Variants in TXNRD3 observed in about 807,000 individuals in gnomAD.
TXNRD3 encodes the protein thioredoxin reductase 3.
In TXNRD3, 68 loss-of-function variants were observed where a neutral mutation model predicts 78.2. That is an observed-to-expected ratio of 0.87 (90% CI 0.72 to 1.06). TXNRD3 has a LOEUF of 1.06. Among genes scored for constraint, TXNRD3 ranks in the 50% least tolerant of loss-of-function variants. The pLI, the probability that TXNRD3 is intolerant of heterozygous loss-of-function variation, is 0.00. For missense variants in TXNRD3, 751 were observed against 809.5 expected (o/e 0.93, Z 0.88); for synonymous variants, 296 against 300.1 (o/e 0.99, Z 0.14).
In TXNRD3 at chr3:126,614,001, A is replaced by T. The variant is rs1315820702; in HGVS notation, c.1632+1354T>A. Among the ~76,000 whole-genome samples, 4 of 152,326 alleles carry T rather than the reference A, an allele frequency of 2.6e-5. No homozygotes were observed. The East Asian group carries it at 7.7e-4, about 29-fold the overall frequency. ...TGTGTGTTACTACCCCTGGGACAGG[A>T]TGTGGTGGGAGAAGATGGTGATATT... On this transcript the variant is annotated intron_variant, in intron 13 of 15. Coordinates refer to ENST00000524230, the MANE Select transcript of TXNRD3 (RefSeq NM_052883.3).
At chr3:126,650,545 G>A (rs1297518985) in intron 1 of TXNRD3, among the ~76,000 whole-genome samples, 4 of 151,978 alleles carry the variant, frequency 2.6e-5, no homozygotes, top group African/African-American at 7.2e-5. Context: ...GAAGGCTTAC[G>A]TGGGAGGATC....
chr3:126,646,101 GTAT>G lies in TXNRD3; in HGVS notation c.414+7_414+9del, dbSNP rs1335260482. On this transcript the variant is annotated splice_region_variant and intron_variant, in intron 3 of 15. Transcript: ENST00000524230. ...AAACAGCATTGAAGAACATATAATA[GTAT>G]TATTACCTGGAAAGTTTGGTCACAT... 18 of 1,506,628 alleles carry G rather than the reference GTAT, an allele frequency of 1.2e-5. No homozygotes were observed. Among genetic ancestry groups the G allele is most frequent in the Non-Finnish European group, 1.6e-5 (18 of 1,131,276 alleles). The allele number at this position is 1,506,628 out of a possible 1,614,324, so 93.3% of individuals were successfully genotyped here. A position where few individuals can be genotyped will look rare whatever the true frequency, so the allele number is the denominator to read the frequency against.
intron 10 of TXNRD3, among the ~76,000 whole-genome samples, chr3:126,628,397 T>C (rs554818613): frequency 6.6e-6 from 1 of 152,236 alleles, no homozygotes; most frequent in Admixed American, 6.5e-5. Flanking sequence ...AAACTGTTAT[T>C]ATTCACAAAT....
intron 1 of TXNRD3, among the ~76,000 whole-genome samples, chr3:126,654,118 T>C (rs1933453267): frequency 6.6e-6 from 1 of 152,172 alleles, no homozygotes; most frequent in Non-Finnish European, 1.5e-5. Flanking sequence ...GTCACTTTAT[T>C]ATTCTTAAAA....
chr3:126,614,506 G>A (rs966290273), intron 13 of TXNRD3, among the ~76,000 whole-genome samples: 5 of 151,880 alleles, frequency 3.3e-5, no homozygotes, highest in Non-Finnish European at 4.4e-5. Context: ...ACCAACCAAT[G>A]CAAAAAGGAT....
Position 126,621,871 on chromosome 3 carries a change from C to A in TXNRD3, c.1395G>T (p.Val465=). 3.3e-6 allele frequency: 5 copies of A among 1,516,316 alleles called. No homozygotes were observed. Among genetic ancestry groups the A allele is most frequent in the Non-Finnish European group, 3.5e-6 (4 of 1,141,296 alleles). 93.9% of individuals were successfully genotyped at this position (1,516,316 alleles called of 1,614,324 possible). ...AGACATATGGCACATTGGTCTGTTC[C>A]ACATCATTTACAGGTATTTTTCCAC... The change falls in exon 12 of 16, where the codon GTG becomes GTT. Residue 465 remains valine, a synonymous_variant. Coordinates refer to ENST00000524230, the MANE Select transcript of TXNRD3 (RefSeq NM_052883.3).
At chr3:126,622,659 G>T in intron 10 of TXNRD3, 119 bp from the exon 11 acceptor site, 1 of 712,500 alleles carries the variant, frequency 1.4e-6, no homozygotes, top group Non-Finnish European at 2.2e-6. Flanking sequence ...AACAATCTAT[G>T]CCAATAAAGC....
intron 5 of TXNRD3, 101 bp downstream of exon 5, chr3:126,643,880 G>A (rs1016125822): frequency 2.8e-5 from 31 of 1,122,796 alleles, no homozygotes; most frequent in Admixed American, 1.5e-4. Flanking sequence ...AGAAACAGGC[G>A]AGTTATACCT....
intron 7 of TXNRD3, among the ~76,000 whole-genome samples, chr3:126,633,606 T>C (rs1267739753): frequency 6.6e-6 from 1 of 152,222 alleles, no homozygotes; most frequent in African/African-American, 2.4e-5. Flanking sequence ...AAAATTTTGA[T>C]CTTTTTAGTC....
rs1207104439 is a variant in TXNRD3 at position 126,643,999 on chromosome 3, G to T, written c.574C>A (p.Pro192Thr). 1 of 1,535,936 alleles carries T rather than the reference G, an allele frequency of 6.5e-7. No homozygotes were observed. The highest frequency in any genetic ancestry group is 2.4e-5 in the East Asian group (1 of 40,914). Residue 192 changes from proline to threonine, a missense_variant, in exon 5 of 16, where the codon CCT (proline) becomes ACT (threonine). Transcript: ENST00000524230. ...AACTTACCCCAGGATGTGCCCTGAG[G>T]TGACGGGACAACAAAGTCTAGCACC... is the stretch of plus-strand genomic sequence containing the variant.
intron 7 of TXNRD3, 37 bp from the exon 8 acceptor site, chr3:126,631,916 C>G: frequency 7.2e-7 from 1 of 1,383,968 alleles, no homozygotes; most frequent in Non-Finnish European, 9.9e-7. Flanking sequence ...TTAGCAAACA[C>G]TACAGAGTAC....
At chr3:126,646,337 G>A (rs1933233501) in intron 2 of TXNRD3, 117 bp from the exon 3 acceptor site, 2 of 687,512 alleles carry the variant, frequency 2.9e-6, no homozygotes. Context: ...ACAGGTCAGT[G>A]TGTTATATAA....
chr3:126,618,688 C>T (rs1938371098), intron 12 of TXNRD3, among the ~76,000 whole-genome samples: 1 of 151,642 alleles, frequency 6.6e-6, no homozygotes. Context: ...AAAACACAGG[C>T]AACAAAATGA....
intron 10 of TXNRD3, among the ~76,000 whole-genome samples, chr3:126,627,865 C>A (rs1368397814): frequency 6.6e-6 from 1 of 152,104 alleles, no homozygotes; most frequent in Non-Finnish European, 1.5e-5. Context: ...AAAATTCTTT[C>A]ATGAGCAGGA....
intron 14 of TXNRD3, 74 bp downstream of exon 14, chr3:126,610,963 T>C (rs1454788166): frequency 5.0e-6 from 5 of 1,004,334 alleles, no homozygotes; most frequent in East Asian, 2.9e-5. Context: ...AAAAAAATTA[T>C]AGAAATCCAA....
At chr3:126,608,712 G>A (rs1938122330) in intron 14 of TXNRD3, 79 bp from the exon 15 acceptor site, 30 of 1,408,152 alleles carry the variant, frequency 2.1e-5, no homozygotes, top group Non-Finnish European at 2.7e-5. Flanking sequence ...CAAATTCACA[G>A]TTAAAATATA....
In TXNRD3 at chr3:126,642,056, A is replaced by G. The variant is rs1933103877; in HGVS notation, c.688T>C (p.Phe230Leu). 1 of 1,535,652 alleles carries G rather than the reference A, an allele frequency of 6.5e-7. No individual in the cohort carries two copies. Among genetic ancestry groups the G allele is most frequent in the African/African-American group, 1.4e-5 (1 of 73,010 alleles). Residue 230 changes from phenylalanine (F) to leucine (L), a missense_variant, in exon 6 of 16, where the codon TTT becomes CTT. Phe to Leu is a conservative substitution (Grantham distance 22, BLOSUM62 0). Transcript: ENST00000524230. ...CCTTGTTGATTATATTCCCAGCCAA[A>G]TTTCCTTGAGTCACATAATGCCTGC...
chr3:126,610,970 C>A, intron 14 of TXNRD3, 67 bp downstream of exon 14: 2 of 1,051,956 alleles, frequency 1.9e-6, no homozygotes, highest in Non-Finnish European at 1.3e-6. Flanking sequence ...TTATAGAAAT[C>A]CAAATACTAA....
At chr3:126,640,539 C>T (rs1933049559) in intron 6 of TXNRD3, among the ~76,000 whole-genome samples, 1 of 152,150 alleles carries the variant, frequency 6.6e-6, no homozygotes, top group Non-Finnish European at 1.5e-5. Flanking sequence ...TGGCTACGGT[C>T]AGAACCAGGA....
Sources: allele counts gnomAD v4.1 joint callset (sites outside exome capture counted in the v4.1 genomes callset), GRCh38; gene constraint gnomAD v4.1.1; transcripts MANE v1.5; gene names NCBI Gene and HGNC (gene_info 2026-07-23, HGNC 2026-07-21).